Variants in NRCAM observed in about 807,000 individuals in gnomAD.
The protein encoded by NRCAM is neuronal cell adhesion molecule, also known as NgCAM-related cell adhesion molecule.
A neutral mutation model predicts 156.5 loss-of-function variants in NRCAM; 83 were observed. The observed-to-expected ratio is 0.53, with a 90% confidence interval of 0.44 to 0.64. The LOEUF (loss-of-function observed/expected upper bound fraction) is 0.64, where lower values mean the gene tolerates loss of function less well. NRCAM is among the 30% of genes least tolerant of loss of function. NRCAM has a pLI of 0.00. For missense variants in NRCAM, 1,417 were observed against 1,597.3 expected, an observed-to-expected ratio of 0.89 and a Z score of 1.92; for synonymous variants, 538 against 563.9, an observed-to-expected ratio of 0.95 and a Z score of 0.65.
chr7:108,275,824 T>C (rs1402613698), intron 3 of NRCAM, among the ~76,000 whole-genome samples: 10 of 152,210 alleles, frequency 6.6e-5, no homozygotes, highest in Admixed American at 6.5e-4. Flanking sequence ...AATTGTGATG[T>C]TAGGGTGTTG....
rs149245842 is a variant in NRCAM at position 108,340,273 on chromosome 7, G to C, written c.-173-27542C>G. Among the ~76,000 whole-genome samples, 5 of 152,310 alleles carry C rather than the reference G, an allele frequency of 3.3e-5. No homozygotes were observed. In the East Asian group the frequency reaches 9.7e-4, roughly 29 times the overall value. On this transcript the variant is annotated intron_variant, in intron 2 of 32. Transcript: ENST00000379028. ...CCCGTTTATGCCCCCTCCAAGCAGT[G>C]GGAGGAGGAGAATTCGGCCCAGCCA...
At chr7:108,349,132 C>T (rs1236503476) in intron 2 of NRCAM, among the ~76,000 whole-genome samples, 6 of 152,164 alleles carry the variant, frequency 3.9e-5, no homozygotes, top group African/African-American at 1.4e-4. Context: ...AGCCTAGAAA[C>T]TGACCAAAGA....
At chr7:108,188,337 C>A (rs142132670) in intron 20 of NRCAM, among the ~76,000 whole-genome samples, 8 of 152,186 alleles carry the variant, frequency 5.3e-5, no homozygotes, top group Non-Finnish European at 1.0e-4. Context: ...TGGGTTAACA[C>A]TCCTTACAGC....
intron 11 of NRCAM, among the ~76,000 whole-genome samples, chr7:108,220,333 AT>A (rs764806031): frequency 6.6e-6 from 1 of 152,220 alleles, no homozygotes; most frequent in African/African-American, 2.4e-5. Context: ...TCTTTACAGA[AT>A]TAGAAAAAAA....
At chr7:108,324,114 G>A (rs560216823) in intron 2 of NRCAM, among the ~76,000 whole-genome samples, 6 of 152,170 alleles carry the variant, frequency 3.9e-5, no homozygotes, top group African/African-American at 1.2e-4. Flanking sequence ...AGCCCTGGAG[G>A]AGTCCTGAGC....
At chr7:108,418,743 G>A (rs868830254) in intron 1 of NRCAM, among the ~76,000 whole-genome samples, 2 of 151,988 alleles carry the variant, frequency 1.3e-5, no homozygotes, top group Admixed American at 1.3e-4. Context: ...TGATTAAAAT[G>A]GTTTGATATA....
Position 108,281,075 on chromosome 7 carries a change from G to A in NRCAM, c.-107+31590C>T, listed in dbSNP as rs975493873. Among the ~76,000 whole-genome samples, 49 of 152,094 alleles carry A rather than the reference G, an allele frequency of 3.2e-4. No individual in the cohort carries two copies. The Middle Eastern group carries it at 0.017, about 53-fold the overall frequency. ...AATATGATAATTACTTCATATAACA[G>A]CTTAAATTAAATTGCTTTTGAATGA... On this transcript the variant is annotated intron_variant, in intron 3 of 32. Coordinates refer to ENST00000379028, the MANE Select transcript of NRCAM (RefSeq NM_001037132.4).
intron 3 of NRCAM, among the ~76,000 whole-genome samples, chr7:108,307,887 G>C (rs11768790): frequency 1.3e-5 from 2 of 151,846 alleles, no homozygotes; most frequent in Admixed American, 6.6e-5. Flanking sequence ...CTGGAAGGAA[G>C]AGACATGATA....
chr7:108,361,874 A>G (rs4727709), intron 2 of NRCAM, among the ~76,000 whole-genome samples: 48,379 of 151,906 alleles, frequency 0.32, 7,735 homozygotes, highest in Middle Eastern at 0.37. Context: ...ATATACGTAT[A>G]TATTTATACC....
At chr7:108,263,356 T>A (rs182735940) in intron 3 of NRCAM, among the ~76,000 whole-genome samples, 92 of 152,332 alleles carry the variant, frequency 6.0e-4, no homozygotes, top group African/African-American at 2.1e-3. Flanking sequence ...GGGATGAGAA[T>A]AACACTAACT....
At chr7:108,383,324 A>G (rs554248941) in intron 2 of NRCAM, among the ~76,000 whole-genome samples, 8 of 152,344 alleles carry the variant, frequency 5.3e-5, no homozygotes, top group Admixed American at 2.6e-4. Flanking sequence ...TAGAAAGGGA[A>G]CCTGCTAATG....
At chr7:108,258,634 T>C (rs773592503) in intron 3 of NRCAM, among the ~76,000 whole-genome samples, 6 of 152,216 alleles carry the variant, frequency 3.9e-5, no homozygotes, top group Non-Finnish European at 8.8e-5. Flanking sequence ...TTGGTTATGT[T>C]CAACAAGCTC....
intron 12 of NRCAM, 67 bp from the exon 13 acceptor site, chr7:108,207,726 T>C (rs1394173068): frequency 1.4e-6 from 2 of 1,382,830 alleles, no homozygotes; most frequent in Non-Finnish European, 2.0e-6. Context: ...AAGAACATAT[T>C]GAACTATTTT....
chr7:108,325,048 G>T (rs973602889), intron 2 of NRCAM, among the ~76,000 whole-genome samples: 1 of 151,862 alleles, frequency 6.6e-6, no homozygotes, highest in Non-Finnish European at 1.5e-5. Flanking sequence ...ATTATTCCTC[G>T]TTCTCTAGAA....
chr7:108,299,640 T>C (rs1410643668), intron 3 of NRCAM, among the ~76,000 whole-genome samples: 1 of 152,220 alleles, frequency 6.6e-6, no homozygotes, highest in African/African-American at 2.4e-5. Context: ...GCAACAACCT[T>C]GACAGTCTTT....
chr7:108,327,034 G>T (rs2099076372), intron 2 of NRCAM, among the ~76,000 whole-genome samples: 1 of 152,082 alleles, frequency 6.6e-6, no homozygotes, highest in Non-Finnish European at 1.5e-5. Flanking sequence ...AACAGTCTTT[G>T]ATTTTATTTT....
At chr7:108,166,887 G>A (rs1359312981) in intron 30 of NRCAM, 34 bp downstream of exon 30, 2 of 1,607,620 alleles carry the variant, frequency 1.2e-6, no homozygotes, top group East Asian at 2.2e-5. Flanking sequence ...CCACCTCTGA[G>A]CGGGAGCCAG....
intron 3 of NRCAM, among the ~76,000 whole-genome samples, chr7:108,285,279 G>A (rs1374471387): frequency 1.3e-5 from 2 of 152,082 alleles, no homozygotes; most frequent in East Asian, 3.9e-4. Context: ...TTCCTTTAGG[G>A]CAAAATACTA....
intron 1 of NRCAM, among the ~76,000 whole-genome samples, chr7:108,428,264 T>C (rs1819989389): frequency 6.6e-6 from 1 of 152,178 alleles, no homozygotes; most frequent in South Asian, 2.1e-4. Flanking sequence ...TATTTTTCGC[T>C]AAAAATAAAA....
Sources: allele counts gnomAD v4.1 joint callset (sites outside exome capture counted in the v4.1 genomes callset), GRCh38; gene constraint gnomAD v4.1.1; transcripts MANE v1.5; gene names NCBI Gene and HGNC (gene_info 2026-07-23, HGNC 2026-07-21).